The following GPHN variants were observed in gnomAD, a reference collection of about 807,000 sequenced individuals.
GPHN encodes the protein gephyrin.
Under a neutral mutation model 95.5 loss-of-function variants are expected in GPHN, and 17 were observed. The ratio of observed to expected loss-of-function variants is 0.18; its 90% CI spans 0.12 to 0.27. The LOEUF is 0.27. Among genes scored for constraint, GPHN ranks in the 10% least tolerant of loss-of-function variants. GPHN has a pLI of 1.00. For missense variants in GPHN, 660 were observed against 978.1 expected, an observed-to-expected ratio of 0.67 and a Z score of 4.34; for synonymous variants, 320 against 322.5, an observed-to-expected ratio of 0.99 and a Z score of 0.08.
chr14:66,611,499 G>A (rs2062782778), intron 1 of GPHN, among the ~76,000 whole-genome samples: 1 of 152,062 alleles, frequency 6.6e-6, no homozygotes, highest in Non-Finnish European at 1.5e-5. Flanking sequence ...TTTTATAGTA[G>A]TTCCATAACA....
chr14:66,916,645 A>G (rs988551561), intron 6 of GPHN, among the ~76,000 whole-genome samples: 21 of 152,200 alleles, frequency 1.4e-4, no homozygotes, highest in Admixed American at 5.2e-4. Context: ...CATGTGGCCA[A>G]AAGTCCCCAT....
At chr14:67,536,811 G>A in the GPHN span, among the ~76,000 whole-genome samples, 1 of 151,868 alleles carries the variant, frequency 6.6e-6, no homozygotes, top group African/African-American at 2.4e-5. Flanking sequence ...GGGAGGCCAA[G>A]GCAGGTGGAT....
chr14:67,531,910 CA>C, the GPHN span, among the ~76,000 whole-genome samples: 27,251 of 79,554 alleles, frequency 0.34, 3,028 homozygotes, highest in African/African-American at 0.41. Flanking sequence ...AACCTATGTC[CA>C]AAAAAAAAAA....
the GPHN span, chr14:67,223,947 C>T: frequency 9.1e-6 from 9 of 984,964 alleles, no homozygotes; most frequent in South Asian, 4.7e-5. Flanking sequence ...AAAATGAGTC[C>T]GTAATTCTAA....
At chr14:66,580,691 CA>C (rs2061124340) in intron 1 of GPHN, among the ~76,000 whole-genome samples, 1 of 151,656 alleles carries the variant, frequency 6.6e-6, no homozygotes, top group Admixed American at 6.6e-5. Context: ...ATAGACTGCC[CA>C]AAAAACAACC....
the GPHN span, among the ~76,000 whole-genome samples, chr14:67,315,818 G>A: frequency 5.3e-5 from 8 of 152,146 alleles, no homozygotes; most frequent in East Asian, 1.9e-4. Context: ...CCAGCTGCTC[G>A]GGAGGCTGAG....
At chr14:67,393,573 C>A in the GPHN span, among the ~76,000 whole-genome samples, 1 of 152,182 alleles carries the variant, frequency 6.6e-6, no homozygotes, top group Non-Finnish European at 1.5e-5. Context: ...CCTGCCTCAA[C>A]CTCCGGAGCA....
chr14:67,169,249 A>G, intron 21 of GPHN: 1 of 587,574 alleles, frequency 1.7e-6, no homozygotes. Context: ...TTTTCTCCAG[A>G]TAGAAGTCCA....
chr14:67,360,148 C>T, the GPHN span: 1 of 410,634 alleles, frequency 2.4e-6, no homozygotes, highest in East Asian at 3.5e-5. Flanking sequence ...GAATCGGAGT[C>T]CTATGTCTTT....
chr14:66,755,983 G>T (rs1334315725), intron 2 of GPHN, among the ~76,000 whole-genome samples: 1 of 152,032 alleles, frequency 6.6e-6, no homozygotes, highest in Non-Finnish European at 1.5e-5. Flanking sequence ...ATTAATATTT[G>T]TGCATTTATC....
At chr14:66,679,724 C>T (rs1247005622) in intron 1 of GPHN, among the ~76,000 whole-genome samples, 2 of 152,148 alleles carry the variant, frequency 1.3e-5, no homozygotes, top group African/African-American at 4.8e-5. Flanking sequence ...TTATAAAACC[C>T]ACCCACCAAC....
the GPHN span, chr14:67,557,561 A>G: frequency 8.7e-6 from 6 of 691,496 alleles, no homozygotes; most frequent in South Asian, 1.2e-4. Flanking sequence ...GTGAAAATTT[A>G]ATTATAGGAA....
chr14:67,500,721 G>A, the GPHN span, among the ~76,000 whole-genome samples: 5 of 150,628 alleles, frequency 3.3e-5, no homozygotes, highest in East Asian at 6.1e-4. Context: ...ACAGGCGCCC[G>A]CCACCACGCC....
chr14:67,555,056 G>T, the GPHN span, among the ~76,000 whole-genome samples: 4 of 152,148 alleles, frequency 2.6e-5, no homozygotes, highest in Middle Eastern at 3.4e-3. Context: ...GGGACTACAG[G>T]CGCACACCGC....
At chr14:66,832,423 G>C (rs938184470) in intron 4 of GPHN, among the ~76,000 whole-genome samples, 1 of 152,232 alleles carries the variant, frequency 6.6e-6, no homozygotes, top group Middle Eastern at 3.4e-3. Context: ...ACTAACCATT[G>C]TGCTTCTGAT....
At chr14:66,702,377 T>C (rs1313082927) in intron 2 of GPHN, among the ~76,000 whole-genome samples, 2 of 152,168 alleles carry the variant, frequency 1.3e-5, no homozygotes, top group Non-Finnish European at 2.9e-5. Context: ...AAAAACCCTA[T>C]ACAGGAGCGA....
At chr14:66,891,750 C>CTA (rs916240739) in intron 5 of GPHN, among the ~76,000 whole-genome samples, 9 of 149,990 alleles carry the variant, frequency 6.0e-5, no homozygotes, top group Admixed American at 2.0e-4. Flanking sequence ...TATTAATATT[C>CTA]TATATATATA....
At chr14:67,022,116 G>A (rs1044504331) in intron 9 of GPHN, among the ~76,000 whole-genome samples, 2 of 151,988 alleles carry the variant, frequency 1.3e-5, no homozygotes, top group Admixed American at 1.3e-4. Flanking sequence ...CTTTAAGGCT[G>A]TAGTGGTATA....
At chr14:67,651,123 A>G in the GPHN span, 1 of 900,202 alleles carries the variant, frequency 1.1e-6, no homozygotes, top group Non-Finnish European at 1.7e-6. Flanking sequence ...TTCACAGGGT[A>G]TTAATATGCT....
Sources: allele counts gnomAD v4.1 joint callset (sites outside exome capture counted in the v4.1 genomes callset), GRCh38; gene constraint gnomAD v4.1.1; transcripts MANE v1.5; gene names NCBI Gene and HGNC (gene_info 2026-07-23, HGNC 2026-07-21).